Variants in TDRD1 observed in about 807,000 individuals in gnomAD.
The protein encoded by TDRD1 is tudor domain-containing protein 1.
In TDRD1, 37 loss-of-function variants were observed where a neutral mutation model predicts 140.6. The observed-to-expected ratio is 0.26, with a 90% CI of 0.20 to 0.35. The LOEUF (loss-of-function observed/expected upper bound fraction) is 0.35, where lower values mean the gene tolerates loss of function less well. TDRD1 is among the 10% of genes least tolerant of loss of function. The pLI is 1.00. For missense variants in TDRD1, 1,243 were observed against 1,393.0 expected (o/e 0.89, Z 1.71); for synonymous variants, 506 against 475.7 (o/e 1.06, Z -0.83).
chr10:114,229,283 G>C (rs977737906), intron 25 of TDRD1, among the ~76,000 whole-genome samples: 1 of 152,154 alleles, frequency 6.6e-6, no homozygotes, highest in African/African-American at 2.4e-5. Context: ...TACTCTTCAT[G>C]AATCTTTTAT....
chr10:114,188,208 C>G (rs566302176), intron 2 of TDRD1, 52 bp downstream of exon 2: 1 of 1,492,620 alleles, frequency 6.7e-7, no homozygotes, highest in African/African-American at 1.4e-5. Context: ...GTTTCTGTGA[C>G]TTACCAGAAG....
chr10:114,195,691 G>A (rs2034295199), intron 3 of TDRD1, among the ~76,000 whole-genome samples: 1 of 152,070 alleles, frequency 6.6e-6, no homozygotes, highest in Non-Finnish European at 1.5e-5. Context: ...TGTAAAATGA[G>A]TTTCTTATAG....
chr10:114,202,192 A>G, intron 5 of TDRD1, 46 bp from the exon 6 acceptor site: 1 of 1,474,592 alleles, frequency 6.8e-7, no homozygotes, highest in Non-Finnish European at 9.3e-7. Flanking sequence ...CCCCTATGTT[A>G]ATTGCCTCTG....
At chr10:114,215,075 C>T (rs1213044939) in intron 16 of TDRD1, among the ~76,000 whole-genome samples, 1 of 152,120 alleles carries the variant, frequency 6.6e-6, no homozygotes, top group East Asian at 1.9e-4. Flanking sequence ...AAACATCTTG[C>T]TTTCTAATAG....
chr10:114,210,622 A>G (rs777761640), exon 12 of TDRD1: 5 of 1,606,750 alleles, frequency 3.1e-6, no homozygotes, highest in East Asian at 2.2e-5. Context: ...TGAAAACAAC[A>G]TTGTCGTAGA....
intron 10 of TDRD1, among the ~76,000 whole-genome samples, chr10:114,205,287 A>C (rs2035025713): frequency 2.0e-5 from 3 of 152,174 alleles, no homozygotes. Context: ...TGGAAATGGA[A>C]ATGCTTTAGA....
exon 2 of TDRD1, chr10:114,187,961 C>A (rs2033663444): frequency 1.9e-6 from 3 of 1,614,124 alleles, no homozygotes; most frequent in Non-Finnish European, 2.5e-6. Context: ...TTTAAGAAGT[C>A]CTGGAACACT....
chr10:114,182,225 C>A (rs2033128936), intron 1 of TDRD1, among the ~76,000 whole-genome samples: 1 of 152,154 alleles, frequency 6.6e-6, no homozygotes, highest in Non-Finnish European at 1.5e-5. Context: ...AGGGCAGCAA[C>A]AGCTGGGAAG....
At chr10:114,205,286 A>T (rs2035025525) in intron 10 of TDRD1, among the ~76,000 whole-genome samples, 1 of 152,186 alleles carries the variant, frequency 6.6e-6, no homozygotes, top group Non-Finnish European at 1.5e-5. Context: ...GTGGAAATGG[A>T]AATGCTTTAG....
upstream of TDRD1, among the ~76,000 whole-genome samples, chr10:114,178,405 T>C (rs1208346963): frequency 1.3e-5 from 2 of 152,162 alleles, no homozygotes; most frequent in African/African-American, 4.8e-5. Flanking sequence ...GCCCAGAAGC[T>C]ATATAAGATC....
intron 1 of TDRD1, among the ~76,000 whole-genome samples, chr10:114,187,052 A>G (rs1357251644): frequency 6.6e-6 from 1 of 152,184 alleles, no homozygotes; most frequent in African/African-American, 2.4e-5. Flanking sequence ...TCCCCTGGGC[A>G]GGGCACTTAG....
At chr10:114,211,204 G>GGA (rs1230384374) in intron 13 of TDRD1, among the ~76,000 whole-genome samples, 1 of 152,154 alleles carries the variant, frequency 6.6e-6, no homozygotes, top group Non-Finnish European at 1.5e-5. Flanking sequence ...GAGATATAAA[G>GGA]GAGGTATTTT....
chr10:114,192,986 G>A (rs1326433148), intron 3 of TDRD1, among the ~76,000 whole-genome samples: 1 of 151,964 alleles, frequency 6.6e-6, no homozygotes, highest in African/African-American at 2.4e-5. Context: ...AATATTGCTG[G>A]GATTTTCATG....
At chr10:114,175,311 T>C (rs1284638103), upstream of TDRD1, among the ~76,000 whole-genome samples, 1 of 152,240 alleles carries the variant, frequency 6.6e-6, no homozygotes, top group African/African-American at 2.4e-5. Context: ...TATTTCTGAA[T>C]ATTTCTGAAT....
At chr10:114,196,204 A>G (rs1014421773) in intron 3 of TDRD1, among the ~76,000 whole-genome samples, 2 of 152,196 alleles carry the variant, frequency 1.3e-5, no homozygotes, top group Admixed American at 6.5e-5. Context: ...TCAGACTCAC[A>G]AAGTGCTGGG....
At chr10:114,222,787 T>C in intron 21 of TDRD1, 84 bp downstream of exon 21, 1 of 733,114 alleles carries the variant, frequency 1.4e-6, no homozygotes, top group Non-Finnish European at 2.3e-6. Flanking sequence ...TTTGGTATTT[T>C]AGCTGCATAT....
chr10:114,203,336 C>T, intron 7 of TDRD1, 52 bp from the exon 8 acceptor site: 1 of 1,542,702 alleles, frequency 6.5e-7, no homozygotes, highest in South Asian at 1.3e-5. Flanking sequence ...AAGAAATTTA[C>T]ATTTCCTTGT....
chr10:114,185,419 A>G (rs2033436731), intron 1 of TDRD1, among the ~76,000 whole-genome samples: 1 of 151,962 alleles, frequency 6.6e-6, no homozygotes, highest in East Asian at 1.9e-4. Flanking sequence ...CGAACTCCTG[A>G]CCTCAAGTAA....
chr10:114,218,257 A>G (rs140509917), intron 17 of TDRD1, among the ~76,000 whole-genome samples, 157 bp from the exon 18 acceptor site: 1 of 152,334 alleles, frequency 6.6e-6, no homozygotes, highest in African/African-American at 2.4e-5. Flanking sequence ...CTTTCATTCT[A>G]GAGATTTTTG....
Sources: gnomAD v4.1 joint callset for allele counts (sites outside exome capture counted in the v4.1 genomes callset) on GRCh38, gnomAD v4.1.1 for gene constraint, MANE v1.5 for transcripts, NCBI Gene and HGNC (gene_info 2026-07-23, HGNC 2026-07-21) for gene names.